The following PTPRE variants were observed in gnomAD, a reference collection of about 807,000 sequenced individuals.
PTPRE encodes the protein receptor-type tyrosine-protein phosphatase epsilon.
A neutral mutation model predicts 102.0 loss-of-function variants in PTPRE; 51 were observed. The observed-to-expected ratio is 0.50, with a 90% CI of 0.40 to 0.63. The LOEUF is 0.63. PTPRE is among the 30% of genes least tolerant of loss of function. The pLI is 0.00. For synonymous variants in PTPRE, 345 were observed against 348.2 expected (o/e 0.99, Z 0.10); for missense variants, 752 against 915.1 (o/e 0.82, Z 2.30).
intron 2 of PTPRE, among the ~76,000 whole-genome samples, chr10:128,027,812 C>T (rs570729764): frequency 6.6e-6 from 1 of 152,174 alleles, no homozygotes; most frequent in Non-Finnish European, 1.5e-5. Flanking sequence ...GATAAATGAA[C>T]CGAGAGAGAC....
At position 128,070,247 on chromosome 10, in the gene PTPRE, G is replaced by A; in HGVS notation, c.1144-54G>A. 2 of 1,540,924 alleles carry A rather than the reference G, an allele frequency of 1.3e-6. No homozygotes were observed. Among genetic ancestry groups the A allele is most frequent in the Admixed American group, 4.0e-5 (2 of 49,858 alleles). On this transcript the variant is annotated intron_variant, in intron 13 of 20. Transcript: ENST00000254667. This position sits in a 1 kb window ranked among gnomAD's most constrained non-coding sequence, Gnocchi z 4.8. The stretch of plus-strand genomic sequence containing the variant: ...TCTTTGGTCTGCCAAGCTCCACGTG[G>A]GCCAAGACTGCAGGGCAGAGTTGAG...
intron 1 of PTPRE, among the ~76,000 whole-genome samples, chr10:127,965,658 G>A (rs117309022): frequency 1.4e-4 from 21 of 152,202 alleles, no homozygotes; most frequent in South Asian, 1.0e-3. Flanking sequence ...GTATTTTAGC[G>A]GCCAGATGTT....
chr10:128,055,021 C>T (rs1052323333), intron 6 of PTPRE, among the ~76,000 whole-genome samples: 1 of 152,162 alleles, frequency 6.6e-6, no homozygotes, highest in Non-Finnish European at 1.5e-5. Context: ...AGTTTCCTCA[C>T]CCATAAAACG....
intron 1 of PTPRE, among the ~76,000 whole-genome samples, chr10:127,936,323 G>T (rs890063301): frequency 6.6e-5 from 10 of 152,102 alleles, no homozygotes; most frequent in African/African-American, 2.4e-4. Flanking sequence ...AATGGGTATG[G>T]ATTTGGGGGC....
At chr10:127,989,928 G>C (rs760793289) in intron 2 of PTPRE, among the ~76,000 whole-genome samples, 2 of 152,136 alleles carry the variant, frequency 1.3e-5, no homozygotes, top group Non-Finnish European at 2.9e-5. Flanking sequence ...TTGTTCATTC[G>C]CTCACTGAGG....
intron 1 of PTPRE, among the ~76,000 whole-genome samples, chr10:127,977,888 G>A (rs1851304676): frequency 6.6e-6 from 1 of 152,130 alleles, no homozygotes; most frequent in Non-Finnish European, 1.5e-5. Flanking sequence ...CCCTGCTTCT[G>A]TTCCCTGGAA....
intron 2 of PTPRE, among the ~76,000 whole-genome samples, chr10:128,015,266 G>C: frequency 6.6e-6 from 1 of 152,292 alleles, no homozygotes; most frequent in Non-Finnish European, 1.5e-5. Context: ...GAATGGGGCC[G>C]GGCCTCGTGG....
chr10:128,026,655 C>G (rs962404502), intron 2 of PTPRE, among the ~76,000 whole-genome samples: 13 of 152,188 alleles, frequency 8.5e-5, no homozygotes, highest in African/African-American at 3.1e-4. Flanking sequence ...AGTAGTGTTT[C>G]AGTGATTTTA....
intron 2 of PTPRE, among the ~76,000 whole-genome samples, chr10:128,007,973 A>G (rs1483958440): frequency 6.6e-6 from 1 of 152,150 alleles, no homozygotes; most frequent in African/African-American, 2.4e-5. Flanking sequence ...CTACATCCCA[A>G]TACTGACTTA....
At chr10:128,011,532 C>A (rs1655127155) in intron 2 of PTPRE, among the ~76,000 whole-genome samples, 1 of 152,218 alleles carries the variant, frequency 6.6e-6, no homozygotes, top group African/African-American at 2.4e-5. Flanking sequence ...TCACCTCTGG[C>A]ATAGCACCCG....
chr10:127,949,898 T>C (rs1848894644), intron 1 of PTPRE, among the ~76,000 whole-genome samples: 1 of 152,082 alleles, frequency 6.6e-6, no homozygotes, highest in Admixed American at 6.5e-5. Context: ...ATGAGTCTTA[T>C]TTGCTAAAAG....
chr10:127,958,979 C>A (rs1849600514), intron 1 of PTPRE, among the ~76,000 whole-genome samples: 1 of 151,498 alleles, frequency 6.6e-6, no homozygotes, highest in African/African-American at 2.4e-5. Flanking sequence ...TCACTACAAC[C>A]TCCTCCTCCT....
rs1024436760 is a variant in PTPRE at position 128,062,951 on chromosome 10, G to A, written c.626-132G>A. 2.2e-4 allele frequency: 329 copies of A among 1,462,222 alleles called. 1 individual carries two copies. Among genetic ancestry groups the A allele is most frequent in the Admixed American group, 5.3e-4 (22 of 41,846 alleles). 90.6% of individuals were successfully genotyped at this position (1,462,222 alleles called of 1,614,324 possible). On this transcript the variant is annotated intron_variant, in intron 9 of 20. Transcript: ENST00000254667. ...GTTCCGGAACGCTTCAGGGCATGAC[G>A]TGTGTGTCCCCAACAAGCCTGAGAA...
At chr10:127,921,616 C>T (rs1015124102) in intron 1 of PTPRE, among the ~76,000 whole-genome samples, 3 of 152,112 alleles carry the variant, frequency 2.0e-5, no homozygotes, top group African/African-American at 7.2e-5. Context: ...GAGCTGGGGG[C>T]CAGGAGAGGC....
rs1850698400 is a variant in PTPRE, at chr10:128,070,789, A to G, written c.1294-19A>G. 6.2e-7 allele frequency: 1 copy of G among 1,606,722 alleles called. No individual in the cohort carries two copies. Among genetic ancestry groups the G allele is most frequent in the Non-Finnish European group, 8.5e-7 (1 of 1,173,324 alleles). On this transcript the variant is annotated intron_variant, in intron 14 of 20. Coordinates refer to ENST00000254667, the MANE Select transcript of PTPRE (RefSeq NM_006504.6). The surrounding 1 kb of genome is among the most constrained non-coding windows in gnomAD (Gnocchi z 4.8). ...GTGTCAGAGGTTTAACTGTGTCATTATATCCTTCTCTGCTGCAGAAATTGA... is the reference window on the plus strand; with the variant it reads ...GTGTCAGAGGTTTAACTGTGTCATTGTATCCTTCTCTGCTGCAGAAATTGA...
intron 1 of PTPRE, among the ~76,000 whole-genome samples, chr10:127,977,664 ATTTTCT>A: frequency 6.6e-6 from 1 of 152,118 alleles, no homozygotes; most frequent in South Asian, 2.1e-4. Flanking sequence ...CTGTAGTTTT[ATTTTCT>A]TCTTTGCAAG....
At chr10:128,054,409 C>T (rs114846423) in intron 6 of PTPRE, among the ~76,000 whole-genome samples, 3,384 of 152,136 alleles carry the variant, frequency 0.022, 139 homozygotes, top group African/African-American at 0.077. Context: ...TAGAATTTTA[C>T]CACAGATGTC....
intron 1 of PTPRE, chr10:127,965,090 T>C (rs1170046738): frequency 6.7e-6 from 3 of 450,800 alleles, no homozygotes; most frequent in African/African-American, 4.0e-5. Flanking sequence ...TTCAGTCCAA[T>C]TCCTTAATAA....
chr10:128,013,626 A>G (rs1477834535), intron 2 of PTPRE, among the ~76,000 whole-genome samples: 1 of 152,074 alleles, frequency 6.6e-6, no homozygotes, highest in Admixed American at 6.6e-5. Context: ...TTGGGAGGTG[A>G]TTAGGTCATG....
Sources: gnomAD v4.1 joint callset for allele counts (sites outside exome capture counted in the v4.1 genomes callset) on GRCh38, gnomAD v4.1.1 for gene constraint, Gnocchi (gnomAD v3.1) non-coding constraint, MANE v1.5 for transcripts, NCBI Gene and HGNC (gene_info 2026-07-23, HGNC 2026-07-21) for gene names.